Variants in GNAO1 observed in about 807,000 individuals in gnomAD.
GNAO1 encodes the protein G protein subunit alpha o1.
For missense variants in GNAO1, 166 were observed against 478.7 expected (o/e 0.35, Z 6.10); for synonymous variants, 164 against 180.7 (o/e 0.91, Z 0.74).
At chr16:56,227,128 A>T (rs553289582) in intron 2 of GNAO1, among the ~76,000 whole-genome samples, 1 of 152,080 alleles carries the variant, frequency 6.6e-6, no homozygotes, top group African/African-American at 2.4e-5. Flanking sequence ...TTATTGGCCC[A>T]TGCAGTTTTT....
At position 56,334,729 on chromosome 16, in the gene GNAO1, C is replaced by T; in HGVS notation, c.465C>T (p.Tyr155=). 6.2e-7 allele frequency: 1 copy of T among 1,613,958 alleles called. No individual in the cohort carries two copies. Among genetic ancestry groups the T allele is most frequent in the Non-Finnish European group, 8.5e-7 (1 of 1,179,978 alleles). The change falls in exon 5 of 9, where the codon TAC becomes TAT. Residue 155 remains tyrosine, a splice_region_variant and synonymous_variant. Transcript: ENST00000262493. ...GTCCCCTGTTTGTTGCCATCCTCAG[C>T]TACCTGGACAGCCTGGATCGGATTG... ...REYQLNDSAK[Y]YLDSLDRIGA...
At chr16:56,294,998 T>C (rs992057917) in intron 3 of GNAO1, among the ~76,000 whole-genome samples, 5 of 152,240 alleles carry the variant, frequency 3.3e-5, no homozygotes, top group African/African-American at 1.2e-4. Flanking sequence ...ATTTTTTTAA[T>C]ATCCCTGATA....
intron 2 of GNAO1, among the ~76,000 whole-genome samples, chr16:56,217,856 C>T (rs1014495896): frequency 6.6e-6 from 1 of 152,094 alleles, no homozygotes; most frequent in Non-Finnish European, 1.5e-5. Context: ...TATGTATGAA[C>T]GATCTTATTC....
chr16:56,208,168 A>G (rs963330277), intron 2 of GNAO1, among the ~76,000 whole-genome samples: 1 of 152,070 alleles, frequency 6.6e-6, no homozygotes, highest in African/African-American at 2.4e-5. Flanking sequence ...ATGTAGCTGG[A>G]GTTGATTTTC....
At chr16:56,244,470 T>C (rs1260649459) in intron 2 of GNAO1, among the ~76,000 whole-genome samples, 1 of 152,070 alleles carries the variant, frequency 6.6e-6, no homozygotes, top group African/African-American at 2.4e-5. Context: ...GTAACCCTGG[T>C]TACCTCCAGC....
intron 6 of GNAO1, among the ~76,000 whole-genome samples, chr16:56,341,833 T>C (rs1772445170): frequency 6.6e-6 from 1 of 152,192 alleles, no homozygotes; most frequent in Non-Finnish European, 1.5e-5. Flanking sequence ...TCTTCTGAGA[T>C]GGCCAGACCC....
At chr16:56,309,408 A>G (rs1470846134) in intron 3 of GNAO1, among the ~76,000 whole-genome samples, 8 of 152,116 alleles carry the variant, frequency 5.3e-5, no homozygotes. Flanking sequence ...CCAGCCAAGG[A>G]ACGTGTGGGT....
chr16:56,328,870 G>A, intron 4 of GNAO1, 79 bp downstream of exon 4: 1 of 1,434,486 alleles, frequency 7.0e-7, no homozygotes. Context: ...GGGATTGGCA[G>A]AGCAAGGAGG....
At chr16:56,305,003 G>A (rs2037380129) in intron 3 of GNAO1, among the ~76,000 whole-genome samples, 1 of 152,236 alleles carries the variant, frequency 6.6e-6, no homozygotes. Flanking sequence ...CTCCCCCTGT[G>A]ACATTGCAGC....
chr16:56,344,326 C>G, intron 6 of GNAO1: 1 of 1,091,740 alleles, frequency 9.2e-7, no homozygotes, highest in Non-Finnish European at 1.1e-6. Flanking sequence ...GGTGCAGGGG[C>G]GCAGATGGCC....
In GNAO1 at chr16:56,225,143, A is replaced by G. The variant is rs146311077; in HGVS notation, c.161+32527A>G. The stretch of plus-strand genomic sequence containing the variant: ...AGGCAGCCACAGGAAAAGCCATTAT[A>G]TCTCTGTAGAGCAGGATGTGGCATT... On this transcript the variant is annotated intron_variant, in intron 2 of 8. Transcript: ENST00000262493. Among the ~76,000 whole-genome samples, 986 of 152,340 alleles carry G rather than the reference A, an allele frequency of 6.5e-3. 2 individuals carry two copies. The highest frequency in any genetic ancestry group is 0.011 in the Non-Finnish European group (735 of 68,024).
intron 3 of GNAO1, among the ~76,000 whole-genome samples, chr16:56,284,383 TAAGCCCTGCCAC>T (rs1461195055): frequency 1.3e-5 from 2 of 152,186 alleles, no homozygotes; most frequent in Non-Finnish European, 2.9e-5. Context: ...ATCCACCATC[TAAGCCCTGCCAC>T]AAGGAGCCTG....
chr16:56,265,810 T>G (rs2036946531), intron 2 of GNAO1, among the ~76,000 whole-genome samples: 1 of 152,104 alleles, frequency 6.6e-6, no homozygotes, highest in African/African-American at 2.4e-5. Flanking sequence ...GAGCATTTGT[T>G]TTAATGTGTA....
chr16:56,283,539 T>A (rs1420530094), intron 3 of GNAO1, among the ~76,000 whole-genome samples: 1 of 152,220 alleles, frequency 6.6e-6, no homozygotes, highest in South Asian at 2.1e-4. Flanking sequence ...TTTTTAATAA[T>A]CATGGAAATA....
At chr16:56,265,430 A>G (rs2036942267) in intron 2 of GNAO1, among the ~76,000 whole-genome samples, 1 of 152,272 alleles carries the variant, frequency 6.6e-6, no homozygotes, top group Admixed American at 6.5e-5. Context: ...GAATGAAGAA[A>G]GCACTTCATA....
chr16:56,328,528 G>T, intron 3 of GNAO1, 103 bp from the exon 4 acceptor site: 1 of 1,188,226 alleles, frequency 8.4e-7, no homozygotes, highest in South Asian at 1.4e-5. Flanking sequence ...TGCTGCACTG[G>T]CTGGGCTCTC....
intron 2 of GNAO1, among the ~76,000 whole-genome samples, chr16:56,261,905 T>A (rs2143485250): frequency 6.6e-6 from 1 of 152,318 alleles, no homozygotes; most frequent in Non-Finnish European, 1.5e-5. Flanking sequence ...TCAAGACTCC[T>A]GACTGCTAAG....
chr16:56,212,941 G>A (rs575350399), intron 2 of GNAO1, among the ~76,000 whole-genome samples: 1 of 152,338 alleles, frequency 6.6e-6, no homozygotes, highest in South Asian at 2.1e-4. Context: ...AGGGGATCTG[G>A]CAGGCTTTTT....
chr16:56,305,840 A>G (rs1230464008), intron 3 of GNAO1, among the ~76,000 whole-genome samples: 1 of 152,166 alleles, frequency 6.6e-6, no homozygotes, highest in East Asian at 1.9e-4. Context: ...CCATCTTCAC[A>G]TGGCCTTCCC....
Sources: allele counts gnomAD v4.1 joint callset (sites outside exome capture counted in the v4.1 genomes callset), GRCh38; gene constraint gnomAD v4.1.1; transcripts MANE v1.5; gene names NCBI Gene and HGNC (gene_info 2026-07-23, HGNC 2026-07-21).